Variants in ZNF609 observed in about 807,000 individuals in gnomAD.
ZNF609 encodes zinc finger protein 609.
ZNF609 carries 11 observed loss-of-function variants against 109.5 expected under a neutral mutation model. The ratio of observed to expected loss-of-function variants is 0.10; its 90% confidence interval spans 0.06 to 0.17. The LOEUF is 0.17. Ranked by LOEUF, ZNF609 falls within the 10% of genes least tolerant of loss-of-function variation. The pLI is 1.00. For missense variants in ZNF609, 1,559 were observed against 1,772.4 expected (o/e 0.88, Z 2.16); for synonymous variants, 646 against 662.0 (o/e 0.98, Z 0.37).
intron 2 of ZNF609, chr15:64,501,858 G>A (rs1280181640): frequency 6.6e-6 from 1 of 152,196 alleles, no homozygotes; most frequent in Non-Finnish European, 1.5e-5. Flanking sequence ...TTGGATTTAA[G>A]TGTAAATGTC....
rs778142691 is a variant in ZNF609 at position 64,674,127 on chromosome 15, A to G, written c.1273A>G (p.Ser425Gly). The change falls in exon 5 of 10, where the codon AGC becomes GGC. Residue 425 changes from serine to glycine, a missense_variant. Ser to Gly is a moderately conservative substitution (Grantham distance 56). Transcript: ENST00000326648. ...TTCAGAGCACCGCCCACCTGCCAGC[A>G]GCACTTCTGAGGATGTCAAGGCCAG... ...NSSEHRPPAS[S>G]TSEDVKASPS... The G allele has an allele frequency of 6.2e-7, 1 of 1,614,216 alleles. No individual in the cohort carries two copies. The highest frequency in any genetic ancestry group is 1.1e-5 in the South Asian group (1 of 91,086).
chr15:64,478,156 G>GT (rs1893198902), intron 1 of ZNF609, among the ~76,000 whole-genome samples: 1 of 628 alleles, frequency 1.6e-3, no homozygotes, highest in South Asian at 0.062. Flanking sequence ...TAGAATAAAG[G>GT]TGTGTGTGTG....
At chr15:64,528,977 AG>A in intron 2 of ZNF609, 5 of 1,496,468 alleles carry the variant, frequency 3.3e-6, no homozygotes, top group Non-Finnish European at 4.6e-6. Context: ...GGGACATGGA[AG>A]GCCATGCCAG....
chr15:64,492,679 G>C (rs574086529), intron 1 of ZNF609, among the ~76,000 whole-genome samples: 38 of 152,238 alleles, frequency 2.5e-4, no homozygotes, highest in African/African-American at 7.5e-4. Context: ...GCTGTACCCA[G>C]CTTTGACTTG....
At chr15:64,650,677 T>A (rs1456887873) in intron 3 of ZNF609, among the ~76,000 whole-genome samples, 6 of 152,164 alleles carry the variant, frequency 3.9e-5, no homozygotes, top group African/African-American at 1.4e-4. Context: ...AATAACTGTG[T>A]CTTTAGCATC....
At chr15:64,665,601 G>GA (rs886323678) in intron 3 of ZNF609, among the ~76,000 whole-genome samples, 2 of 152,046 alleles carry the variant, frequency 1.3e-5, no homozygotes, top group African/African-American at 4.8e-5. Context: ...TAAACAAACA[G>GA]AAAAAATTAT....
chr15:64,485,215 A>G (rs1205284509), intron 1 of ZNF609, among the ~76,000 whole-genome samples: 4 of 152,198 alleles, frequency 2.6e-5, no homozygotes, highest in Non-Finnish European at 5.9e-5. Flanking sequence ...GGCTTTAATG[A>G]ATACATGCAA....
chr15:64,595,654 T>C (rs1382751181), intron 2 of ZNF609, among the ~76,000 whole-genome samples: 3 of 152,170 alleles, frequency 2.0e-5, no homozygotes, highest in Non-Finnish European at 4.4e-5. Context: ...AACTACCTCA[T>C]GTCTTGAAGT....
At chr15:64,607,397 A>T (rs1484425985) in intron 2 of ZNF609, among the ~76,000 whole-genome samples, 2 of 152,102 alleles carry the variant, frequency 1.3e-5, no homozygotes, top group African/African-American at 4.8e-5. Flanking sequence ...TTTCACCAAC[A>T]GATTGAATGG....
At chr15:64,541,610 G>A (rs941170022) in intron 2 of ZNF609, among the ~76,000 whole-genome samples, 1 of 151,402 alleles carries the variant, frequency 6.6e-6, no homozygotes, top group African/African-American at 2.4e-5. Context: ...GGAGGCCAGG[G>A]CGGGCAGATC....
At chr15:64,668,322 A>C (rs1896679398) in intron 3 of ZNF609, among the ~76,000 whole-genome samples, 1 of 152,226 alleles carries the variant, frequency 6.6e-6, no homozygotes, top group African/African-American at 2.4e-5. Context: ...AAACAAATAC[A>C]ACAAGACTGT....
chr15:64,491,889 T>C (rs142362017), intron 1 of ZNF609, among the ~76,000 whole-genome samples: 2 of 151,526 alleles, frequency 1.3e-5, no homozygotes, highest in Admixed American at 1.3e-4. Flanking sequence ...TGGTACCTTG[T>C]CCCTGAGGGA....
intron 2 of ZNF609, among the ~76,000 whole-genome samples, chr15:64,609,113 TTTCTTTC>T (rs1895668551): frequency 3.5e-5 from 1 of 28,866 alleles, no homozygotes; most frequent in African/African-American, 6.2e-5. Flanking sequence ...TCTTTCTTTC[TTTCTTTC>T]TTTCTTTCTT....
At chr15:64,578,084 G>GA (rs533322140) in intron 2 of ZNF609, among the ~76,000 whole-genome samples, 2 of 151,632 alleles carry the variant, frequency 1.3e-5, no homozygotes, top group Admixed American at 1.3e-4. Context: ...ACTGCATAGG[G>GA]AAAAAAACAT....
intron 1 of ZNF609, among the ~76,000 whole-genome samples, chr15:64,474,016 A>G (rs540235811): frequency 2.0e-5 from 3 of 147,788 alleles, no homozygotes; most frequent in African/African-American, 7.5e-5. Flanking sequence ...CTTGTGATCC[A>G]CCTGCCTCGG....
chr15:64,666,644 T>G (rs1212324949), intron 3 of ZNF609, among the ~76,000 whole-genome samples: 1 of 151,702 alleles, frequency 6.6e-6, no homozygotes, highest in Non-Finnish European at 1.5e-5. Flanking sequence ...CCTGAGTAGC[T>G]GGGACTACAG....
intron 2 of ZNF609, among the ~76,000 whole-genome samples, chr15:64,524,304 G>GCCT (rs879681050): frequency 2.0e-5 from 3 of 152,168 alleles, no homozygotes; most frequent in Non-Finnish European, 4.4e-5. Flanking sequence ...AGTGGCTCAC[G>GCCT]CCTGTAATCC....
At chr15:64,643,726 A>G (rs1412398064) in intron 3 of ZNF609, 1 of 152,188 alleles carries the variant, frequency 6.6e-6, no homozygotes, top group African/African-American at 2.4e-5. Context: ...AACTATTCAT[A>G]CTAGCACTGG....
chr15:64,497,873 C>G (rs1375251413), intron 1 of ZNF609, among the ~76,000 whole-genome samples: 1 of 149,660 alleles, frequency 6.7e-6, no homozygotes, highest in African/African-American at 2.5e-5. Context: ...TGCACTTGAG[C>G]CTGGGCAACA....
Sources: allele counts gnomAD v4.1 joint callset (sites outside exome capture counted in the v4.1 genomes callset), GRCh38; gene constraint gnomAD v4.1.1; transcripts MANE v1.5; gene names NCBI Gene and HGNC (gene_info 2026-07-23, HGNC 2026-07-21).